The following ATAD1 variants were observed in gnomAD, a reference collection of about 807,000 sequenced individuals.
The protein encoded by ATAD1 is ATPase family AAA domain containing 1, also known as outer mitochondrial transmembrane helix translocase.
In ATAD1, 18 loss-of-function variants were observed where a neutral mutation model predicts 42.7. The observed-to-expected ratio is 0.42, with a 90% CI of 0.29 to 0.63. The LOEUF (loss-of-function observed/expected upper bound fraction) is 0.63, where lower values mean the gene tolerates loss of function less well. ATAD1 is among the 20% of genes least tolerant of loss of function. The pLI is 0.19. For synonymous variants in ATAD1, 132 were observed against 143.1 expected (o/e 0.92, Z 0.55); for missense variants, 294 against 440.4 (o/e 0.67, Z 2.98).
chr10:87,761,811 A>G lies in ATAD1; in HGVS notation c.832-4889T>C, dbSNP rs118187361. On this transcript the variant is annotated intron_variant, in intron 8 of 9. Transcript: ENST00000680024. ...GAGACAGGATCTTGCTCTGTCACCC[A>G]GGCTAGAATGCAGTGGTGCATCCAC... Among the ~76,000 whole-genome samples, 929 of 152,194 alleles carry G rather than the reference A, an allele frequency of 6.1e-3. 9 individuals carry two copies. Among genetic ancestry groups the G allele is most frequent in the South Asian group, 0.017 (80 of 4,792 alleles).
chr10:87,836,148 C>T (rs12775367), intron 1 of ATAD1, among the ~76,000 whole-genome samples: 15,703 of 151,924 alleles, frequency 0.1, 983 homozygotes, highest in Middle Eastern at 0.2. Context: ...TTCTTGGAGT[C>T]GGGGTCTTGC....
intron 3 of ATAD1, among the ~76,000 whole-genome samples, chr10:87,791,746 A>G (rs1175578750): frequency 6.6e-6 from 1 of 152,248 alleles, no homozygotes; most frequent in Non-Finnish European, 1.5e-5. Flanking sequence ...TAGAATTTAT[A>G]AATGTATACT....
Position 87,812,229 on chromosome 10 carries a change from T to G in ATAD1, c.162+2209A>C, listed in dbSNP as rs184745330. Among the ~76,000 whole-genome samples, 42 of 152,266 alleles carry G rather than the reference T, an allele frequency of 2.8e-4. No homozygotes were observed. In the East Asian group the frequency reaches 7.1e-3, roughly 26 times the overall value. ...ATATCACCCACCCATTCAAATATATTTAATGAGTTAAGCCTACAGAAGTCT... is the reference window on the plus strand; with the variant it reads ...ATATCACCCACCCATTCAAATATATGTAATGAGTTAAGCCTACAGAAGTCT... On this transcript the variant is annotated intron_variant, in intron 2 of 9. Coordinates refer to ENST00000680024, the MANE Select transcript of ATAD1 (RefSeq NM_001321967.2).
At chr10:87,837,301 A>G (rs1199077939) in intron 1 of ATAD1, among the ~76,000 whole-genome samples, 1 of 152,208 alleles carries the variant, frequency 6.6e-6, no homozygotes, top group African/African-American at 2.4e-5. Context: ...TTGGTGGGTA[A>G]TAGATCTGTT....
intron 2 of ATAD1, among the ~76,000 whole-genome samples, chr10:87,799,041 ATACT>A (rs1787321578): frequency 6.6e-6 from 1 of 152,210 alleles, no homozygotes; most frequent in Non-Finnish European, 1.5e-5. Flanking sequence ...TTGGAATCAA[ATACT>A]TCATCAGGAA....
intron 8 of ATAD1, among the ~76,000 whole-genome samples, chr10:87,759,141 T>A (rs1017353724): frequency 2.0e-5 from 3 of 152,192 alleles, no homozygotes; most frequent in African/African-American, 7.2e-5. Context: ...GAGAAACTCT[T>A]CTCATGTGTC....
chr10:87,792,620 C>T (rs945511290), intron 3 of ATAD1, 37 bp downstream of exon 3: 4 of 1,348,986 alleles, frequency 3.0e-6, no homozygotes, highest in African/African-American at 1.5e-5. Context: ...CCACCCCCAC[C>T]TCTAAAAAAA....
rs932011188 is a variant in ATAD1 at position 87,752,823 on chromosome 10, G to A, written c.*1864C>T. 1 of 152,018 alleles carries A rather than the reference G, an allele frequency of 6.6e-6. No individual in the cohort carries two copies. The highest frequency in any genetic ancestry group is 1.5e-5 in the Non-Finnish European group (1 of 68,006). The allele number at this position is 152,018 out of a possible 1,614,324, so 9.4% of individuals were successfully genotyped here. On this transcript the variant is annotated 3_prime_UTR_variant, in exon 10 of 10. Coordinates refer to ENST00000680024, the MANE Select transcript of ATAD1 (RefSeq NM_001321967.2). ...AACTTCATTTGATGATTAAAACCAC[G>A]AAGAAATTGAATAACCACTCCTACT...
At chr10:87,769,435 C>T in intron 7 of ATAD1, among the ~76,000 whole-genome samples, 1 of 152,164 alleles carries the variant, frequency 6.6e-6, no homozygotes, top group Non-Finnish European at 1.5e-5. Context: ...CTTCAAGGTC[C>T]AGCTGGATTC....
chr10:87,809,911 G>C (rs1296664311), intron 2 of ATAD1, among the ~76,000 whole-genome samples: 1 of 152,052 alleles, frequency 6.6e-6, no homozygotes, highest in East Asian at 1.9e-4. Context: ...CTCTCAAAGT[G>C]CTAGGATTAC....
At chr10:87,815,650 CTAAAT>C (rs770216211) in intron 1 of ATAD1, among the ~76,000 whole-genome samples, 8 of 152,038 alleles carry the variant, frequency 5.3e-5, no homozygotes, top group Admixed American at 2.0e-4. Context: ...CTCACTACTA[CTAAAT>C]TAAAGAGCCT....
In ATAD1 at chr10:87,804,575, G is replaced by C. The variant is rs12240369; in HGVS notation, c.162+9863C>G. 7.3e-3 allele frequency among the ~76,000 whole-genome samples: 1,114 copies of C among 152,170 alleles called. 10 individuals carry two copies. Among genetic ancestry groups the C allele is most frequent in the African/African-American group, 0.026 (1,067 of 41,514 alleles). On this transcript the variant is annotated intron_variant, in intron 2 of 9. Transcript: ENST00000680024. ...AGTAGAGACGGGGTTTTGCCATGTT[G>C]ACCAGGCTGGTCTTGACCTCCTGAC...
intron 5 of ATAD1, among the ~76,000 whole-genome samples, chr10:87,777,326 T>C (rs963576974): frequency 6.6e-6 from 1 of 152,038 alleles, no homozygotes; most frequent in Non-Finnish European, 1.5e-5. Context: ...AGCCGAAAAA[T>C]GTAGGACAGA....
chr10:87,757,522 T>C (rs2131754207), intron 8 of ATAD1, among the ~76,000 whole-genome samples: 1 of 152,332 alleles, frequency 6.6e-6, no homozygotes, highest in South Asian at 2.1e-4. Context: ...ATGATTCTTA[T>C]GTCTCATTCA....
chr10:87,808,392 A>T (rs1399877283), intron 2 of ATAD1, among the ~76,000 whole-genome samples: 3 of 152,178 alleles, frequency 2.0e-5, no homozygotes, highest in African/African-American at 7.2e-5. Context: ...TCCTAATCAT[A>T]AAGAGAATGT....
rs1178449221 is a variant in ATAD1 at position 87,754,303 on chromosome 10, C to T, written c.*384G>A. The stretch of plus-strand genomic sequence containing the variant: ...GATATATACATTTAATATACACATA[C>T]ATACACGCACACACACAAACGCATA... On this transcript the variant is annotated 3_prime_UTR_variant, in exon 10 of 10. Coordinates refer to ENST00000680024, the MANE Select transcript of ATAD1 (RefSeq NM_001321967.2). 6.4e-6 allele frequency: 1 copy of T among 155,192 alleles called. No individual in the cohort carries two copies. The highest frequency in any genetic ancestry group is 2.4e-5 in the African/African-American group (1 of 41,504). 9.6% of individuals were successfully genotyped at this position (155,192 alleles called of 1,614,324 possible).
At chr10:87,800,522 A>G (rs956687870) in intron 2 of ATAD1, among the ~76,000 whole-genome samples, 4 of 152,120 alleles carry the variant, frequency 2.6e-5, no homozygotes, top group African/African-American at 9.7e-5. Context: ...GCCTTTTAGT[A>G]ACTGGTCTAA....
At chr10:87,780,703 TG>T (rs1276251154) in intron 5 of ATAD1, among the ~76,000 whole-genome samples, 1 of 152,248 alleles carries the variant, frequency 6.6e-6, no homozygotes, top group Admixed American at 6.5e-5. Flanking sequence ...AAAACCTTGA[TG>T]TGATTATGCT....
At chr10:87,763,077 T>TCA (rs1854568110) in intron 8 of ATAD1, among the ~76,000 whole-genome samples, 1 of 46,880 alleles carries the variant, frequency 2.1e-5, no homozygotes, top group Non-Finnish European at 4.0e-5. Context: ...CGAGACTCTG[T>TCA]CACAAAAAAA....
Sources: allele counts gnomAD v4.1 joint callset (sites outside exome capture counted in the v4.1 genomes callset), GRCh38; gene constraint gnomAD v4.1.1; transcripts MANE v1.5; gene names NCBI Gene and HGNC (gene_info 2026-07-23, HGNC 2026-07-21).